RTN1: variants seen among roughly 807,000 people sequenced by gnomAD.
The protein encoded by RTN1 is reticulon 1.
Under a neutral mutation model 65.5 loss-of-function variants are expected in RTN1, and 25 were observed. The observed-to-expected ratio is 0.38, with a 90% CI of 0.28 to 0.53. The LOEUF (loss-of-function observed/expected upper bound fraction) is 0.53. Ranked by LOEUF, RTN1 falls within the 20% of genes least tolerant of loss-of-function variation. The pLI is 0.79. For missense variants in RTN1, 983 were observed against 1,025.4 expected (o/e 0.96, Z 0.57); for synonymous variants, 471 against 447.6 (o/e 1.05, Z -0.66).
At chr14:59,744,446 C>T (rs1432761580) in intron 2 of RTN1, among the ~76,000 whole-genome samples, 2 of 152,104 alleles carry the variant, frequency 1.3e-5, no homozygotes, top group African/African-American at 4.8e-5. Flanking sequence ...GGCCTTTAGC[C>T]AGGGATATAA....
At chr14:59,630,497 T>C in intron 3 of RTN1, 1 of 1,613,808 alleles carries the variant, frequency 6.2e-7, no homozygotes, top group Non-Finnish European at 8.5e-7. Context: ...GAATCGGCAG[T>C]GGCCTGCATC....
intron 1 of RTN1, among the ~76,000 whole-genome samples, chr14:59,765,361 T>C (rs1189397816): frequency 6.6e-6 from 1 of 152,348 alleles, no homozygotes; most frequent in South Asian, 2.1e-4. Flanking sequence ...AAGCTCCATC[T>C]TGAAGGATGT....
At chr14:59,827,171 C>T (rs568148948) in intron 1 of RTN1, among the ~76,000 whole-genome samples, 20 of 152,158 alleles carry the variant, frequency 1.3e-4, no homozygotes, top group African/African-American at 4.3e-4. Context: ...CTCTGTCTCC[C>T]GGGTTCACGC....
intron 3 of RTN1, among the ~76,000 whole-genome samples, chr14:59,617,322 T>A (rs779382200): frequency 3.9e-5 from 6 of 152,198 alleles, no homozygotes; most frequent in Non-Finnish European, 7.4e-5. Context: ...AGAAGAGGAA[T>A]TTTCCCACCT....
chr14:59,656,780 T>C (rs78526133), intron 3 of RTN1, among the ~76,000 whole-genome samples: 4,169 of 152,314 alleles, frequency 0.027, 197 homozygotes, highest in African/African-American at 0.094. Flanking sequence ...GTACATAACT[T>C]GAAGTGGTTT....
chr14:59,674,044 C>T (rs1883568077), intron 3 of RTN1, among the ~76,000 whole-genome samples: 1 of 152,136 alleles, frequency 6.6e-6, no homozygotes, highest in Non-Finnish European at 1.5e-5. Context: ...AGTTTCAATG[C>T]CACAAAAATT....
intron 1 of RTN1, among the ~76,000 whole-genome samples, chr14:59,789,520 T>G (rs1351629116): frequency 3.3e-5 from 5 of 152,174 alleles, no homozygotes; most frequent in African/African-American, 4.8e-5. Context: ...TTGTAAACTT[T>G]TATGCAAATG....
chr14:59,617,536 T>C (rs1269071683), intron 3 of RTN1, among the ~76,000 whole-genome samples: 2 of 152,232 alleles, frequency 1.3e-5, no homozygotes, highest in African/African-American at 4.8e-5. Context: ...TTTCTTGATT[T>C]GTTTTTAATA....
chr14:59,714,700 C>T (rs770395388), intron 3 of RTN1, among the ~76,000 whole-genome samples: 2 of 152,312 alleles, frequency 1.3e-5, no homozygotes, highest in East Asian at 1.9e-4. Context: ...AGAAGGACTA[C>T]GCTACAGAAG....
At chr14:59,690,535 A>T (rs1055125208) in intron 3 of RTN1, among the ~76,000 whole-genome samples, 15 of 152,132 alleles carry the variant, frequency 9.9e-5, no homozygotes, top group African/African-American at 3.6e-4. Flanking sequence ...TAGATAATAG[A>T]GGCAGAAAAC....
chr14:59,860,472 G>A lies in RTN1; in HGVS notation c.241+9918C>T, dbSNP rs572393360. Among the ~76,000 whole-genome samples, 43 of 152,316 alleles carry A rather than the reference G, an allele frequency of 2.8e-4. 2 individuals carry two copies. The South Asian group carries it at 7.5e-3, about 26-fold the overall frequency. ...GGCTCTCAGGGAGAATCTCTGCTAG[G>A]GCAGTGCAAAAGAGAAATGTAGGGT... is the stretch of plus-strand genomic sequence containing the variant. On this transcript the variant is annotated intron_variant, in intron 1 of 8. Transcript: ENST00000267484.
chr14:59,603,841 T>C lies in RTN1; in HGVS notation c.2182+11A>G. ...GTGAAGGAAGACGTATACAGTCTTATCTGCTCTTACCCATGAGCAGCAGGG... is the reference window on the plus strand; with the variant it reads ...GTGAAGGAAGACGTATACAGTCTTACCTGCTCTTACCCATGAGCAGCAGGG... On this transcript the variant is annotated intron_variant, in intron 6 of 8. Transcript: ENST00000267484. The C allele has an allele frequency of 6.2e-7, 1 of 1,607,906 alleles. No homozygotes were observed. The highest frequency in any genetic ancestry group is 8.5e-7 in the Non-Finnish European group (1 of 1,174,980).
At chr14:59,636,002 A>G (rs958342432) in intron 3 of RTN1, among the ~76,000 whole-genome samples, 3 of 152,346 alleles carry the variant, frequency 2.0e-5, no homozygotes, top group African/African-American at 7.2e-5. Flanking sequence ...TTGGAAATAC[A>G]TCTAAATATA....
At chr14:59,664,083 A>G (rs756045228) in intron 3 of RTN1, among the ~76,000 whole-genome samples, 22 of 152,216 alleles carry the variant, frequency 1.4e-4, no homozygotes, top group Non-Finnish European at 3.1e-4. Flanking sequence ...CCCAGCAATG[A>G]TACGCTGGAT....
At chr14:59,822,018 T>C (rs1284084304) in intron 1 of RTN1, among the ~76,000 whole-genome samples, 1 of 152,178 alleles carries the variant, frequency 6.6e-6, no homozygotes, top group African/African-American at 2.4e-5. Context: ...CAGATTAATG[T>C]TGGCCTCATA....
chr14:59,627,497 T>C (rs11848964), intron 3 of RTN1, among the ~76,000 whole-genome samples: 58,147 of 152,136 alleles, frequency 0.38, 13,092 homozygotes, highest in Admixed American at 0.55. Flanking sequence ...AATTGTAGGA[T>C]GGTACTGATC....
At chr14:59,800,403 T>A (rs539740880) in intron 1 of RTN1, among the ~76,000 whole-genome samples, 1 of 152,148 alleles carries the variant, frequency 6.6e-6, no homozygotes, top group Non-Finnish European at 1.5e-5. Context: ...GTTGTTGTTG[T>A]TTTTGTTTTT....
chr14:59,629,401 A>G (rs1388933240), intron 3 of RTN1, among the ~76,000 whole-genome samples: 1 of 152,254 alleles, frequency 6.6e-6, no homozygotes, highest in Non-Finnish European at 1.5e-5. Context: ...CCTGTGATAT[A>G]GAATTACAAG....
intron 1 of RTN1, among the ~76,000 whole-genome samples, chr14:59,822,727 GT>G (rs1211886052): frequency 6.6e-6 from 1 of 151,952 alleles, no homozygotes; most frequent in Non-Finnish European, 1.5e-5. Flanking sequence ...GTTTTCATTA[GT>G]TTTTTTAATT....
Sources: gnomAD v4.1 joint callset for allele counts (sites outside exome capture counted in the v4.1 genomes callset) on GRCh38, gnomAD v4.1.1 for gene constraint, MANE v1.5 for transcripts, NCBI Gene and HGNC (gene_info 2026-07-23, HGNC 2026-07-21) for gene names.